Variants in ZNF385B observed in about 807,000 individuals in gnomAD.
ZNF385B encodes zinc finger protein 533.
ZNF385B carries 23 observed loss-of-function variants against 39.2 expected under a neutral mutation model. That is an observed-to-expected ratio of 0.59 (90% CI 0.42 to 0.83). The LOEUF (loss-of-function observed/expected upper bound fraction) is 0.83, where lower values mean the gene tolerates loss of function less well. Ranked by LOEUF, ZNF385B falls within the 40% of genes least tolerant of loss-of-function variation. The pLI is 0.00. For missense variants in ZNF385B, 552 were observed against 598.9 expected, an observed-to-expected ratio of 0.92 and a Z score of 0.82; for synonymous variants, 205 against 222.6, an observed-to-expected ratio of 0.92 and a Z score of 0.70.
intron 4 of ZNF385B, among the ~76,000 whole-genome samples, chr2:179,544,577 G>T (rs540422895): frequency 1.3e-5 from 2 of 152,132 alleles, no homozygotes; most frequent in East Asian, 3.9e-4. Flanking sequence ...TATGAAAATT[G>T]TGCAACACAA....
chr2:179,849,068 T>C (rs1214360212), intron 1 of ZNF385B, among the ~76,000 whole-genome samples: 1 of 152,188 alleles, frequency 6.6e-6, no homozygotes, highest in Non-Finnish European at 1.5e-5. Flanking sequence ...AATATGTTTA[T>C]AATTTGCCTA....
At chr2:179,565,376 G>A (rs921021692) in intron 3 of ZNF385B, among the ~76,000 whole-genome samples, 1 of 152,130 alleles carries the variant, frequency 6.6e-6, no homozygotes. Flanking sequence ...TTCTTACTAT[G>A]GTGGCTAGAA....
intron 1 of ZNF385B, among the ~76,000 whole-genome samples, chr2:179,856,785 G>C (rs896409319): frequency 3.9e-5 from 6 of 152,168 alleles, no homozygotes; most frequent in Non-Finnish European, 7.3e-5. Context: ...TCATGTATCA[G>C]TAAAATGAGG....
At chr2:179,606,873 G>A (rs142146509) in intron 3 of ZNF385B, among the ~76,000 whole-genome samples, 1 of 152,210 alleles carries the variant, frequency 6.6e-6, no homozygotes, top group East Asian at 1.9e-4. Flanking sequence ...AAATCTGGAT[G>A]GTCTGGATGA....
intron 3 of ZNF385B, among the ~76,000 whole-genome samples, chr2:179,701,245 T>C (rs1408349902): frequency 6.6e-6 from 1 of 152,188 alleles, no homozygotes; most frequent in East Asian, 1.9e-4. Flanking sequence ...GTGATGAATA[T>C]AAAACAATCC....
chr2:179,755,416 G>C (rs1702949758), intron 3 of ZNF385B, among the ~76,000 whole-genome samples: 1 of 152,178 alleles, frequency 6.6e-6, no homozygotes, highest in South Asian at 2.1e-4. Flanking sequence ...CTGTTGATTT[G>C]GGGAGGAGAG....
intron 3 of ZNF385B, among the ~76,000 whole-genome samples, chr2:179,618,844 G>A (rs954751579): frequency 6.6e-6 from 1 of 152,174 alleles, no homozygotes; most frequent in Non-Finnish European, 1.5e-5. Context: ...GCAGCCCCCA[G>A]ATCCTAAGCT....
chr2:179,449,820 C>T (rs2049903080), intron 6 of ZNF385B, among the ~76,000 whole-genome samples: 1 of 152,136 alleles, frequency 6.6e-6, no homozygotes, highest in East Asian at 1.9e-4. Context: ...AAGAACAAAG[C>T]TGGAGGCATC....
intron 3 of ZNF385B, among the ~76,000 whole-genome samples, chr2:179,706,240 A>C (rs369538553): frequency 1.4e-4 from 22 of 152,198 alleles, no homozygotes; most frequent in African/African-American, 5.1e-4. Flanking sequence ...GTTTTTGTAG[A>C]GGTTTTGCTA....
intron 5 of ZNF385B, among the ~76,000 whole-genome samples, chr2:179,483,963 A>T (rs762567442): frequency 6.6e-6 from 1 of 152,218 alleles, no homozygotes; most frequent in Non-Finnish European, 1.5e-5. Flanking sequence ...TAAGCTCTAC[A>T]TGCACTTCAT....
intron 5 of ZNF385B, among the ~76,000 whole-genome samples, chr2:179,483,937 A>G (rs1406867311): frequency 1.3e-5 from 2 of 152,216 alleles, no homozygotes; most frequent in South Asian, 2.1e-4. Context: ...AGTGAAAATG[A>G]CACTGAATTT....
intron 3 of ZNF385B, among the ~76,000 whole-genome samples, chr2:179,719,969 A>T (rs1700577249): frequency 1.3e-5 from 2 of 152,218 alleles, no homozygotes. Context: ...ATATATTCGT[A>T]ATCAGATGAG....
At chr2:179,804,124 T>C (rs890078509) in intron 1 of ZNF385B, among the ~76,000 whole-genome samples, 12 of 152,204 alleles carry the variant, frequency 7.9e-5, no homozygotes, top group Admixed American at 2.0e-4. Context: ...CAACTGCTTC[T>C]CTCTCTGTGT....
chr2:179,773,544 T>C (rs568460918), intron 1 of ZNF385B, among the ~76,000 whole-genome samples: 10 of 152,238 alleles, frequency 6.6e-5, no homozygotes, highest in Non-Finnish European at 1.3e-4. Flanking sequence ...TCCTGAGGCA[T>C]TGTGTTCACA....
intron 3 of ZNF385B, among the ~76,000 whole-genome samples, chr2:179,550,018 TATATAA>T (rs1414853315): frequency 6.7e-6 from 1 of 149,646 alleles, no homozygotes; most frequent in Non-Finnish European, 1.5e-5. Context: ...GATGATGTAT[TATATAA>T]ATATATCAAA....
chr2:179,658,464 GA>G (rs1327136490), intron 3 of ZNF385B, among the ~76,000 whole-genome samples: 1 of 152,164 alleles, frequency 6.6e-6, no homozygotes, highest in Non-Finnish European at 1.5e-5. Context: ...AAAACTTTAA[GA>G]AATCATTTCA....
At chr2:179,621,406 A>G (rs1190248411) in intron 3 of ZNF385B, among the ~76,000 whole-genome samples, 1 of 152,206 alleles carries the variant, frequency 6.6e-6, no homozygotes, top group Non-Finnish European at 1.5e-5. Context: ...GTTCCTTTTA[A>G]CAGCAGGTCA....
intron 1 of ZNF385B, among the ~76,000 whole-genome samples, chr2:179,805,998 G>A (rs1706324283): frequency 6.6e-6 from 1 of 152,132 alleles, no homozygotes; most frequent in South Asian, 2.1e-4. Flanking sequence ...ATCTTTAATA[G>A]CTTGGCTTAC....
chr2:179,694,730 G>C (rs779182014), intron 3 of ZNF385B, among the ~76,000 whole-genome samples: 6 of 152,122 alleles, frequency 3.9e-5, no homozygotes, highest in South Asian at 2.1e-4. Flanking sequence ...AGGAGTTCAA[G>C]ACCAGCCTGG....
Sources: allele counts gnomAD v4.1 joint callset (sites outside exome capture counted in the v4.1 genomes callset), GRCh38; gene constraint gnomAD v4.1.1; transcripts MANE v1.5; gene names NCBI Gene and HGNC (gene_info 2026-07-23, HGNC 2026-07-21).